Variants in FSTL5 observed in about 807,000 individuals in gnomAD.
FSTL5 encodes the protein follistatin like 5, also known as follistatin-related protein 5.
A neutral mutation model predicts 89.1 loss-of-function variants in FSTL5; 62 were observed. The observed-to-expected ratio is 0.70, with a 90% confidence interval of 0.57 to 0.86. FSTL5 has a LOEUF of 0.86. Ranked by LOEUF, FSTL5 falls within the 40% of genes least tolerant of loss-of-function variation. The pLI is 0.00. For missense variants in FSTL5, 1,057 were observed against 1,001.6 expected (o/e 1.06, Z -0.75); for synonymous variants, 383 against 346.2 (o/e 1.11, Z -1.18).
intron 6 of FSTL5, among the ~76,000 whole-genome samples, chr4:161,736,418 A>G (rs1446707677): frequency 6.6e-6 from 1 of 152,166 alleles, no homozygotes; most frequent in East Asian, 1.9e-4. Context: ...AAGTGAATCT[A>G]CCACTTAAGA....
In FSTL5 at chr4:161,476,185, T is replaced by G. The variant is rs201473463; in HGVS notation, c.1608+4835A>C. Among the ~76,000 whole-genome samples, 264 of 90,530 alleles carry G rather than the reference T, an allele frequency of 2.9e-3. 6 individuals are homozygous for G. The highest frequency in any genetic ancestry group is 7.3e-3 in the East Asian group (13 of 1,782). 59.4% of individuals were successfully genotyped at this position (90,530 alleles called of 152,430 possible). A position where few individuals can be genotyped will look rare whatever the true frequency, so the allele number is the denominator to read the frequency against. ...TTCAAGTTTGCTGGTTTTTTTTTTT[T>G]TTTGTTTGTTTGTTTTTTTGAGAAA... On this transcript the variant is annotated intron_variant, in intron 13 of 15. Transcript: ENST00000306100.
chr4:161,677,274 CGAGA>C, intron 6 of FSTL5, among the ~76,000 whole-genome samples: 1 of 150,256 alleles, frequency 6.7e-6, no homozygotes, highest in South Asian at 2.1e-4. Flanking sequence ...AAAGAGAGCC[CGAGA>C]GAGAGAGAGG....
intron 4 of FSTL5, among the ~76,000 whole-genome samples, chr4:161,808,805 C>T (rs1161468677): frequency 6.6e-6 from 1 of 152,056 alleles, no homozygotes; most frequent in African/African-American, 2.4e-5. Flanking sequence ...AAAACAAAAA[C>T]GAAATTAAAT....
intron 3 of FSTL5, among the ~76,000 whole-genome samples, chr4:162,012,439 T>C (rs569043993): frequency 2.0e-5 from 3 of 152,214 alleles, no homozygotes; most frequent in Non-Finnish European, 4.4e-5. Context: ...CAAGTAAACA[T>C]GGATTATTAC....
At chr4:161,973,634 T>C (rs1578906717) in intron 3 of FSTL5, among the ~76,000 whole-genome samples, 1 of 152,196 alleles carries the variant, frequency 6.6e-6, no homozygotes. Flanking sequence ...ATGTTCAAAA[T>C]GTAATTCAGT....
At chr4:161,445,609 A>T (rs574212137) in intron 15 of FSTL5, among the ~76,000 whole-genome samples, 1 of 152,128 alleles carries the variant, frequency 6.6e-6, no homozygotes, top group African/African-American at 2.4e-5. Flanking sequence ...AAACAGATTA[A>T]TTTCAAATTT....
chr4:161,522,813 T>C (rs1731084509), intron 10 of FSTL5, among the ~76,000 whole-genome samples: 1 of 151,652 alleles, frequency 6.6e-6, no homozygotes, highest in Admixed American at 6.6e-5. Flanking sequence ...GATTCCGAAA[T>C]TATTTGAAGT....
At chr4:161,853,027 C>T (rs12650190) in intron 4 of FSTL5, among the ~76,000 whole-genome samples, 5,280 of 152,212 alleles carry the variant, frequency 0.035, 181 homozygotes, top group East Asian at 0.15. Flanking sequence ...GAATTTCTTG[C>T]CTTGTTCTTC....
intron 7 of FSTL5, among the ~76,000 whole-genome samples, chr4:161,633,632 A>G (rs1280038504): frequency 1.3e-5 from 2 of 152,124 alleles, no homozygotes; most frequent in East Asian, 1.9e-4. Context: ...GATGTGAACC[A>G]CCGCACCCAG....
At chr4:161,624,603 TTA>T (rs1009083425) in intron 7 of FSTL5, among the ~76,000 whole-genome samples, 1 of 151,882 alleles carries the variant, frequency 6.6e-6, no homozygotes, top group African/African-American at 2.4e-5. Context: ...TGTAAATTTA[TTA>T]TGATTGTATG....
chr4:161,847,202 A>G (rs1475378763), intron 4 of FSTL5, among the ~76,000 whole-genome samples: 1 of 152,216 alleles, frequency 6.6e-6, no homozygotes, highest in Non-Finnish European at 1.5e-5. Flanking sequence ...AATAAATCCA[A>G]ATGTCCCATG....
chr4:161,976,537 A>AGTG (rs1463081441), intron 3 of FSTL5, among the ~76,000 whole-genome samples: 7 of 152,090 alleles, frequency 4.6e-5, no homozygotes, highest in Non-Finnish European at 1.0e-4. Flanking sequence ...GCTGGAGTGC[A>AGTG]GTGGTGCCAT....
At chr4:162,086,609 CA>C (rs1241158547) in intron 2 of FSTL5, among the ~76,000 whole-genome samples, 1 of 151,444 alleles carries the variant, frequency 6.6e-6, no homozygotes, top group Non-Finnish European at 1.5e-5. Context: ...TTTTTAATGC[CA>C]AATTTATAGT....
intron 5 of FSTL5, among the ~76,000 whole-genome samples, chr4:161,765,185 A>G (rs974284659): frequency 3.9e-5 from 6 of 152,232 alleles, no homozygotes; most frequent in Admixed American, 6.5e-5. Flanking sequence ...GGGCATTTAA[A>G]TGCATGAAAT....
chr4:162,123,720 G>A (rs545330774), intron 1 of FSTL5, among the ~76,000 whole-genome samples: 27 of 152,242 alleles, frequency 1.8e-4, no homozygotes, highest in Non-Finnish European at 3.4e-4. Flanking sequence ...CAGAACCCAA[G>A]TCATGAGCAA....
intron 6 of FSTL5, among the ~76,000 whole-genome samples, chr4:161,725,082 G>C (rs1278018605): frequency 1.3e-5 from 2 of 152,132 alleles, no homozygotes; most frequent in African/African-American, 4.8e-5. Flanking sequence ...TGTAGTCCCA[G>C]CTACTCAGGA....
intron 15 of FSTL5, among the ~76,000 whole-genome samples, chr4:161,436,741 T>C (rs1732572722): frequency 6.6e-6 from 1 of 152,206 alleles, no homozygotes; most frequent in Non-Finnish European, 1.5e-5. Context: ...GATGGTCAGA[T>C]TGAGCCTGTC....
chr4:161,744,342 A>G (rs1740120916), intron 6 of FSTL5, among the ~76,000 whole-genome samples: 1 of 152,134 alleles, frequency 6.6e-6, no homozygotes, highest in Admixed American at 6.5e-5. Context: ...GAACTGGTAA[A>G]GCCAAAGCTG....
At chr4:161,972,955 C>G (rs893455104) in intron 3 of FSTL5, among the ~76,000 whole-genome samples, 2 of 152,162 alleles carry the variant, frequency 1.3e-5, no homozygotes, top group South Asian at 2.1e-4. Context: ...CTCTATTTTT[C>G]AACTGCATAC....
Sources: gnomAD v4.1 joint callset for allele counts (sites outside exome capture counted in the v4.1 genomes callset) on GRCh38, gnomAD v4.1.1 for gene constraint, MANE v1.5 for transcripts, NCBI Gene and HGNC (gene_info 2026-07-23, HGNC 2026-07-21) for gene names.